The following PPP6C variants were observed in gnomAD, a reference collection of about 807,000 sequenced individuals.
PPP6C encodes serine/threonine-protein phosphatase 6 catalytic subunit.
Under a neutral mutation model 39.8 loss-of-function variants are expected in PPP6C, and 11 were observed. The observed-to-expected ratio is 0.28, with a 90% CI of 0.17 to 0.46. The LOEUF is 0.46. PPP6C is among the 20% of genes least tolerant of loss of function. The pLI is 1.00. For missense variants in PPP6C, 211 were observed against 373.9 expected (o/e 0.56, Z 3.59); for synonymous variants, 129 against 130.3 (o/e 0.99, Z 0.07).
intron 4 of PPP6C, among the ~76,000 whole-genome samples, chr9:125,155,010 C>A (rs538711046): frequency 6.6e-6 from 1 of 152,176 alleles, no homozygotes; most frequent in South Asian, 2.1e-4. Context: ...TGGGTTCAAG[C>A]GATCCCACCA....
intron 1 of PPP6C, among the ~76,000 whole-genome samples, chr9:125,187,150 T>A (rs947096220): frequency 4.6e-5 from 7 of 151,706 alleles, no homozygotes; most frequent in Admixed American, 2.0e-4. Flanking sequence ...TTTCACCATG[T>A]TGGCCAGGCT....
Position 125,149,577 on chromosome 9 carries a change from C to T in PPP6C, c.*96G>A. ...AAGGCAAGAGGCAGCATTTCAGCAGCAAAGTGCTCAATAAAAAGTATATTG... is the reference window on the plus strand; with the variant it reads ...AAGGCAAGAGGCAGCATTTCAGCAGTAAAGTGCTCAATAAAAAGTATATTG... On this transcript the variant is annotated 3_prime_UTR_variant, in exon 7 of 7. Transcript: ENST00000373547. 7.5e-7 allele frequency: 1 copy of T among 1,334,562 alleles called. No homozygotes were observed. The highest frequency in any genetic ancestry group is 1.0e-6 in the Non-Finnish European group (1 of 996,398). The allele number at this position is 1,334,562 out of a possible 1,614,324, so 82.7% of individuals were successfully genotyped here. A position where few individuals can be genotyped will look rare whatever the true frequency, so the allele number is the denominator to read the frequency against.
intron 6 of PPP6C, among the ~76,000 whole-genome samples, chr9:125,151,861 A>T (rs74371445): frequency 9.8e-4 from 149 of 152,326 alleles, no homozygotes; most frequent in African/African-American, 3.5e-3. Context: ...ACAAGATTTC[A>T]GACTTTTGAG....
chr9:125,179,645 TTCTC>T (rs374311966), intron 1 of PPP6C, among the ~76,000 whole-genome samples: 10 of 149,786 alleles, frequency 6.7e-5, no homozygotes, highest in East Asian at 2.0e-4. Flanking sequence ...AGCTTTCCTT[TTCTC>T]TCTCTCTTTT....
intron 2 of PPP6C, among the ~76,000 whole-genome samples, chr9:125,170,241 CT>C (rs560169677): frequency 3.9e-3 from 541 of 140,124 alleles, no homozygotes; most frequent in Middle Eastern, 7.5e-3. Context: ...CTTTGAAATT[CT>C]TTTTTTTTTT....
intron 1 of PPP6C, among the ~76,000 whole-genome samples, chr9:125,188,134 C>A (rs1281521802): frequency 6.6e-6 from 1 of 152,134 alleles, no homozygotes. Context: ...GCCTGTAATC[C>A]CAGCACTTTG....
intron 2 of PPP6C, among the ~76,000 whole-genome samples, chr9:125,162,936 G>A (rs930774612): frequency 1.3e-5 from 2 of 151,716 alleles, no homozygotes; most frequent in African/African-American, 2.4e-5. Flanking sequence ...AAATTAGCCA[G>A]GCGTGGCGGC....
chr9:125,151,660 G>A (rs1465822422), intron 6 of PPP6C: 8 of 577,608 alleles, frequency 1.4e-5, no homozygotes, highest in South Asian at 3.1e-5. Flanking sequence ...GGTATTTGAT[G>A]ACGAATTCAG....
chr9:125,157,944 C>T (rs1836121398), intron 4 of PPP6C, among the ~76,000 whole-genome samples: 1 of 152,118 alleles, frequency 6.6e-6, no homozygotes, highest in Admixed American at 6.6e-5. Context: ...CTGCCTCAGC[C>T]TCCCAAAGTG....
intron 3 of PPP6C, 105 bp downstream of exon 3, chr9:125,160,735 GA>G: frequency 2.6e-6 from 2 of 772,014 alleles, no homozygotes; most frequent in Non-Finnish European, 1.9e-6. Flanking sequence ...TTAATATACT[GA>G]AATAGGGACT....
chr9:125,154,898 GT>G (rs1466928946), intron 4 of PPP6C, among the ~76,000 whole-genome samples: 1 of 152,162 alleles, frequency 6.6e-6, no homozygotes, highest in East Asian at 1.9e-4. Context: ...TGCCTACGTA[GT>G]TTTTTGTTTT....
intron 1 of PPP6C, among the ~76,000 whole-genome samples, chr9:125,180,597 T>G (rs547951613): frequency 5.9e-5 from 9 of 152,280 alleles, no homozygotes; most frequent in African/African-American, 2.2e-4. Flanking sequence ...ATTTTTGTAT[T>G]TTTAGTAGAG....
intron 1 of PPP6C, among the ~76,000 whole-genome samples, chr9:125,171,654 A>C (rs1426294275): frequency 6.6e-6 from 1 of 151,408 alleles, no homozygotes. Context: ...CCCAGATTCA[A>C]GCAATTTTCC....
intron 1 of PPP6C, among the ~76,000 whole-genome samples, chr9:125,173,089 C>T (rs1200829447): frequency 6.6e-6 from 1 of 151,982 alleles, no homozygotes; most frequent in Non-Finnish European, 1.5e-5. Context: ...CCAGCCTGAC[C>T]AACATGGCAA....
In PPP6C at chr9:125,189,773, C is replaced by G. The variant is rs2131350609; in HGVS notation, c.-55G>C. On this transcript the variant is annotated 5_prime_UTR_variant, in exon 1 of 7. Transcript: ENST00000373547. ...GCGGCGGCGGCTGTAGCAGCGGCGG[C>G]GGCAGCGGCGGAGGCCGAAGCCGGA... 2.0e-6 allele frequency: 3 copies of G among 1,535,870 alleles called. No individual in the cohort carries two copies. Among genetic ancestry groups the G allele is most frequent in the Non-Finnish European group, 2.6e-6 (3 of 1,141,932 alleles).
Position 125,147,209 on chromosome 9 carries a change from G to A in PPP6C, c.*2464C>T, listed in dbSNP as rs1158601979. ...GCCAAAGGAGGAAAGGGAGTAAATG[G>A]CAATTCAAAGTAGACAGTTCTCACT... On this transcript the variant is annotated 3_prime_UTR_variant, in exon 7 of 7. Transcript: ENST00000373547. The A allele has an allele frequency of 2.6e-5, 4 of 152,146 alleles. No homozygotes were observed. Among genetic ancestry groups the A allele is most frequent in the Admixed American group, 2.6e-4 (4 of 15,268 alleles). The allele number at this position is 152,146 out of a possible 1,614,324, so 9.4% of individuals were successfully genotyped here. A position where few individuals can be genotyped will look rare whatever the true frequency, so the allele number is the denominator to read the frequency against.
At chr9:125,187,199 A>C (rs571220956) in intron 1 of PPP6C, among the ~76,000 whole-genome samples, 1 of 151,894 alleles carries the variant, frequency 6.6e-6, no homozygotes, top group Admixed American at 6.6e-5. Flanking sequence ...CACCTGCCTC[A>C]GCCACCCAAA....
intron 6 of PPP6C, among the ~76,000 whole-genome samples, chr9:125,153,244 C>A (rs1224164901): frequency 6.6e-6 from 1 of 151,826 alleles, no homozygotes; most frequent in Admixed American, 6.6e-5. Context: ...CCACTGCACT[C>A]CAGCCTAGGC....
intron 2 of PPP6C, among the ~76,000 whole-genome samples, chr9:125,164,284 T>A (rs1048652246): frequency 4.3e-5 from 6 of 138,690 alleles, no homozygotes; most frequent in Admixed American, 2.4e-4. Flanking sequence ...TGGAGTCCAG[T>A]GGTGCAATCT....
Sources: allele counts gnomAD v4.1 joint callset (sites outside exome capture counted in the v4.1 genomes callset), GRCh38; gene constraint gnomAD v4.1.1; transcripts MANE v1.5; gene names NCBI Gene and HGNC (gene_info 2026-07-23, HGNC 2026-07-21).